The following GRK3 variants were observed in gnomAD, a reference collection of about 807,000 sequenced individuals.
The protein encoded by GRK3 is G protein-coupled receptor kinase 3.
GRK3 carries 54 observed loss-of-function variants against 95.7 expected under a neutral mutation model. The ratio of observed to expected loss-of-function variants is 0.56; its 90% CI spans 0.45 to 0.71. The LOEUF (loss-of-function observed/expected upper bound fraction) is 0.71. GRK3 is among the 30% of genes least tolerant of loss of function. The pLI is 0.00. For missense variants in GRK3, 649 were observed against 851.2 expected (o/e 0.76, Z 2.96); for synonymous variants, 281 against 290.8 (o/e 0.97, Z 0.34).
In GRK3 at chr22:25,607,672, G is replaced by T. The variant is rs2084462023; in HGVS notation, c.190+3219G>T. Among the ~76,000 whole-genome samples, 3 of 152,068 alleles carry T rather than the reference G, an allele frequency of 2.0e-5. No homozygotes were observed. In the South Asian group the frequency reaches 6.2e-4, roughly 32 times the overall value. ...GCTCACTGCAACTTCTGCCTCCCAG[G>T]TTCAAGCAGTTGTTGTGCCTCAGCC... is the stretch of plus-strand genomic sequence containing the variant. On this transcript the variant is annotated intron_variant, in intron 2 of 20. Coordinates refer to ENST00000324198, the MANE Select transcript of GRK3 (RefSeq NM_005160.4).
chr22:25,576,482 T>C (rs2331125), intron 1 of GRK3, among the ~76,000 whole-genome samples: 3 of 152,248 alleles, frequency 2.0e-5, no homozygotes, highest in Non-Finnish European at 4.4e-5. Context: ...TGCCATTTCT[T>C]GGCCATTTGT....
chr22:25,700,540 G>T (rs2085250221), intron 13 of GRK3, among the ~76,000 whole-genome samples: 1 of 152,192 alleles, frequency 6.6e-6, no homozygotes, highest in Non-Finnish European at 1.5e-5. Context: ...GCAACTACTG[G>T]CTTAGGTTTG....
rs888212860 is a variant in GRK3, at chr22:25,688,437, G to A, written c.957+770G>A. Among the ~76,000 whole-genome samples, 11 of 152,240 alleles carry A rather than the reference G, an allele frequency of 7.2e-5. No homozygotes were observed. The South Asian group carries it at 8.3e-4, about 11-fold the overall frequency. On this transcript the variant is annotated intron_variant, in intron 11 of 20. Transcript: ENST00000324198. ...TGGTGAGCTAAGACATAGAATGGCCGAGTCATAACTCCTCCAAGGCAAGGT... is the reference window on the plus strand; with the variant it reads ...TGGTGAGCTAAGACATAGAATGGCCAAGTCATAACTCCTCCAAGGCAAGGT...
At chr22:25,689,869 A>G (rs1158268289) in intron 11 of GRK3, among the ~76,000 whole-genome samples, 1 of 152,198 alleles carries the variant, frequency 6.6e-6, no homozygotes, top group South Asian at 2.1e-4. Flanking sequence ...GCTGCGCAAC[A>G]GTCCTTGGTA....
chr22:25,682,747 A>T (rs539633041), intron 9 of GRK3, among the ~76,000 whole-genome samples: 1 of 152,228 alleles, frequency 6.6e-6, no homozygotes, highest in African/African-American at 2.4e-5. Flanking sequence ...ATGAATTTTC[A>T]TAAGGGAATA....
In GRK3 at chr22:25,718,273, G is replaced by A; in HGVS notation, c.1683G>A (p.Met561Ile). The A allele has an allele frequency of 6.2e-7, 1 of 1,614,110 alleles. No homozygotes were observed. Among genetic ancestry groups the A allele is most frequent in the African/African-American group, 1.3e-5 (1 of 75,026 alleles). The change falls in exon 19 of 21, where the codon ATG becomes ATA. Residue 561 changes from methionine to isoleucine, a missense_variant. Coordinates refer to ENST00000324198, the MANE Select transcript of GRK3 (RefSeq NM_005160.4). Reference protein sequence around the residue: ...EDYALGKDCIMHGYMLKLGNP... With the variant: ...EDYALGKDCIIHGYMLKLGNP... The stretch of plus-strand genomic sequence containing the variant: ...ACGCTCTGGGGAAGGACTGTATTAT[G>A]CACGGGTACATGCTGAAACTGGGAA...
At chr22:25,712,972 AT>A (rs2085355778) in intron 17 of GRK3, among the ~76,000 whole-genome samples, 1 of 152,232 alleles carries the variant, frequency 6.6e-6, no homozygotes, top group South Asian at 2.1e-4. Flanking sequence ...AACAGCCTAA[AT>A]AATACATTTT....
At chr22:25,717,666 C>G (rs1052265534) in intron 18 of GRK3, among the ~76,000 whole-genome samples, 44 of 152,076 alleles carry the variant, frequency 2.9e-4, no homozygotes, top group Non-Finnish European at 6.2e-4. Flanking sequence ...AGGACACAGT[C>G]CTTCACTGTA....
chr22:25,688,835 G>A lies in GRK3; in HGVS notation c.957+1168G>A, dbSNP rs182940029. ...GGGACCTTGATGAATTAATGATTGC[G>A]CAAACATAGAAATGCGTAAATTGTA... On this transcript the variant is annotated intron_variant, in intron 11 of 20. Transcript: ENST00000324198. Among the ~76,000 whole-genome samples, 37 of 152,302 alleles carry A rather than the reference G, an allele frequency of 2.4e-4. 1 individual carries two copies. In the East Asian group the frequency reaches 6.2e-3, roughly 25 times the overall value.
chr22:25,618,506 G>GAGACTGCTTTTTAAACCC (rs1475303868), intron 2 of GRK3, among the ~76,000 whole-genome samples: 1 of 152,150 alleles, frequency 6.6e-6, no homozygotes, highest in Non-Finnish European at 1.5e-5. Context: ...GAATCTGCTT[G>GAGACTGCTTTTTAAACCC]AGACTGCTTT....
intron 1 of GRK3, among the ~76,000 whole-genome samples, chr22:25,586,254 G>A (rs958507690): frequency 6.6e-6 from 1 of 152,248 alleles, no homozygotes; most frequent in Non-Finnish European, 1.5e-5. Flanking sequence ...GGAGACACAG[G>A]GACTTCTATC....
intron 18 of GRK3, among the ~76,000 whole-genome samples, chr22:25,717,944 A>G (rs1292472129): frequency 6.6e-6 from 1 of 152,168 alleles, no homozygotes; most frequent in East Asian, 1.9e-4. Context: ...CATTACACAT[A>G]ATGAAAAGAG....
At chr22:25,688,199 G>A (rs1197892726) in intron 11 of GRK3, among the ~76,000 whole-genome samples, 1 of 139,390 alleles carries the variant, frequency 7.2e-6, no homozygotes, top group African/African-American at 2.7e-5. Context: ...TTGCACCACT[G>A]CACTCCAGCC....
intron 2 of GRK3, among the ~76,000 whole-genome samples, chr22:25,623,910 A>T (rs2084606882): frequency 6.6e-6 from 1 of 152,104 alleles, no homozygotes; most frequent in East Asian, 1.9e-4. Flanking sequence ...CCTTTTGTTA[A>T]ACTTTTAATT....
At chr22:25,662,002 C>G in intron 4 of GRK3, among the ~76,000 whole-genome samples, 1 of 152,116 alleles carries the variant, frequency 6.6e-6, no homozygotes, top group East Asian at 1.9e-4. Flanking sequence ...TTAAAATGAG[C>G]TATACTTTAA....
chr22:25,681,561 G>A (rs563519712), intron 9 of GRK3, among the ~76,000 whole-genome samples: 2 of 152,046 alleles, frequency 1.3e-5, no homozygotes, highest in Non-Finnish European at 2.9e-5. Context: ...AGACCGTGAA[G>A]GGCATCGCCG....
chr22:25,649,030 T>C, intron 3 of GRK3: 2 of 1,315,932 alleles, frequency 1.5e-6, no homozygotes, highest in Non-Finnish European at 2.2e-6. Flanking sequence ...TATCCAGGTA[T>C]GGTGAACCAT....
chr22:25,710,145 G>A (rs1035363046), intron 16 of GRK3, among the ~76,000 whole-genome samples, 181 bp downstream of exon 16: 3 of 152,100 alleles, frequency 2.0e-5, no homozygotes, highest in African/African-American at 4.8e-5. Flanking sequence ...TTACCCGAGA[G>A]TTACCATGTA....
intron 1 of GRK3, among the ~76,000 whole-genome samples, chr22:25,570,043 C>T (rs973536763): frequency 6.6e-6 from 1 of 152,170 alleles, no homozygotes; most frequent in African/African-American, 2.4e-5. Flanking sequence ...AACTCCCTCG[C>T]GTCTTATTTT....
Sources: allele counts gnomAD v4.1 joint callset (sites outside exome capture counted in the v4.1 genomes callset), GRCh38; gene constraint gnomAD v4.1.1; transcripts MANE v1.5; gene names NCBI Gene and HGNC (gene_info 2026-07-23, HGNC 2026-07-21).